Variants in CLSPN observed in about 807,000 individuals in gnomAD.
The protein encoded by CLSPN is claspin homolog.
A neutral mutation model predicts 156.3 loss-of-function variants in CLSPN; 85 were observed. The observed-to-expected ratio is 0.54, with a 90% CI of 0.46 to 0.65. CLSPN has a LOEUF of 0.65. CLSPN is among the 30% of genes least tolerant of loss of function. The pLI, the probability that CLSPN is intolerant of heterozygous loss-of-function variation, is 0.00. For synonymous variants in CLSPN, 534 were observed against 542.4 expected, an observed-to-expected ratio of 0.98 and a Z score of 0.22; for missense variants, 1,407 against 1,554.9, an observed-to-expected ratio of 0.90 and a Z score of 1.60.
At position 35,761,988 on chromosome 1, in the gene CLSPN, G is replaced by A; in HGVS notation, c.895+10C>T. 1 of 1,601,646 alleles carries A rather than the reference G, an allele frequency of 6.2e-7. No homozygotes were observed. Among genetic ancestry groups the A allele is most frequent in the Non-Finnish European group, 8.5e-7 (1 of 1,169,998 alleles). The stretch of plus-strand genomic sequence containing the variant: ...GTGATTTTGCCTCAAAGTTTACTGG[G>A]TTGCATTACCTCGAATAAGGCGCTG... On this transcript the variant is annotated intron_variant, in intron 6 of 24. Coordinates refer to ENST00000318121, the MANE Select transcript of CLSPN (RefSeq NM_022111.4).
chr1:35,746,661 G>A lies in CLSPN; in HGVS notation c.2854+105C>T. 1 of 740,758 alleles carries A rather than the reference G, an allele frequency of 1.3e-6. No homozygotes were observed. The highest frequency in any genetic ancestry group is 2.3e-6 in the Non-Finnish European group (1 of 432,392). The allele number at this position is 740,758 out of a possible 1,614,324, so 45.9% of individuals were successfully genotyped here. On this transcript the variant is annotated intron_variant, in intron 15 of 24. Coordinates refer to ENST00000318121, the MANE Select transcript of CLSPN (RefSeq NM_022111.4). This position sits in a 1 kb window ranked among gnomAD's most constrained non-coding sequence, Gnocchi z 4.2. ...GATCCATCCAACTTAGCCTCCCAAA[G>A]TTCTAGGATTACAGGCATGAGCCAC... is the stretch of plus-strand genomic sequence containing the variant.
chr1:35,752,471 G>C (rs915457531), intron 9 of CLSPN, among the ~76,000 whole-genome samples: 1 of 151,670 alleles, frequency 6.6e-6, no homozygotes, highest in African/African-American at 2.4e-5. Context: ...CCAGCTATTC[G>C]GGAGGCTGAG....
rs1304231723 is a variant in CLSPN at position 35,746,168 on chromosome 1, A to T, written c.2854+598T>A. Among the ~76,000 whole-genome samples, 1 of 152,036 alleles carries T rather than the reference A, an allele frequency of 6.6e-6. No individual in the cohort carries two copies. The highest frequency in any genetic ancestry group is 1.5e-5 in the Non-Finnish European group (1 of 68,008). On this transcript the variant is annotated intron_variant, in intron 15 of 24. Coordinates refer to ENST00000318121, the MANE Select transcript of CLSPN (RefSeq NM_022111.4). This position sits in a 1 kb window ranked among gnomAD's most constrained non-coding sequence, Gnocchi z 4.2. Reference sequence around the variant, plus strand: ...ACCGTGCTGCCCAGGCTGGTGGCGAACTCCTGAGCTCAGGAAATCCCCCGC... The same window carrying T: ...ACCGTGCTGCCCAGGCTGGTGGCGATCTCCTGAGCTCAGGAAATCCCCCGC...
intron 12 of CLSPN, 56 bp from the exon 13 acceptor site, chr1:35,748,660 T>A (rs1641978119): frequency 6.1e-6 from 9 of 1,472,280 alleles, no homozygotes; most frequent in Non-Finnish European, 8.5e-6. Context: ...GGTGGATTTG[T>A]TTAGGAAAAA....
chr1:35,729,359 G>A (rs1236924084), downstream of CLSPN, among the ~76,000 whole-genome samples: 1 of 152,158 alleles, frequency 6.6e-6, no homozygotes. Flanking sequence ...AAGGAACTCA[G>A]GTGTCCACCC....
Position 35,746,833 on chromosome 1 carries a change from C to T in CLSPN, c.2787G>A (p.Arg929=), listed in dbSNP as rs1375285976. Residue 929 remains arginine, a synonymous_variant, in exon 15 of 25, where the codon AGG becomes AGA. Coordinates refer to ENST00000318121, the MANE Select transcript of CLSPN (RefSeq NM_022111.4). This position sits in a 1 kb window ranked among gnomAD's most constrained non-coding sequence, Gnocchi z 4.2. ...CCATGTTCTCTTTCTTGTCACTCTTCCTGGGTAGATGTTTTTCAGCCTGAG... is the reference window on the plus strand; with the variant it reads ...CCATGTTCTCTTTCTTGTCACTCTTTCTGGGTAGATGTTTTTCAGCCTGAG... ...FTSQAEKHLP[R]KSDKKENMEE... is the part of the protein sequence containing the mutation. 2.5e-6 allele frequency: 4 copies of T among 1,614,108 alleles called. No homozygotes were observed. The highest frequency in any genetic ancestry group is 3.4e-6 in the Non-Finnish European group (4 of 1,179,988).
chr1:35,752,100 G>A (rs976242980), intron 9 of CLSPN, among the ~76,000 whole-genome samples: 7 of 152,050 alleles, frequency 4.6e-5, no homozygotes, highest in African/African-American at 1.7e-4. Flanking sequence ...ATATCAAAAT[G>A]TGATATATAT....
Position 35,760,852 on chromosome 1 carries a change from T to A in CLSPN, c.1069A>T (p.Asn357Tyr). 1 of 1,614,082 alleles carries A rather than the reference T, an allele frequency of 6.2e-7. No homozygotes were observed. The highest frequency in any genetic ancestry group is 1.7e-5 in the Admixed American group (1 of 60,032). Residue 357 changes from asparagine (N) to tyrosine (Y), a missense_variant, in exon 8 of 25, where the codon AAC (asparagine) becomes TAC (tyrosine). This residue lies in a region of CLSPN where 1,096 missense variants were observed against 1,193.0 expected (regional missense o/e 0.92). Transcript: ENST00000318121. ...IIDTANTTEMNSDHHSKGSEQ... is the reference protein window; with the variant it reads ...IIDTANTTEMYSDHHSKGSEQ... ...GAACCTTTACTATGGTGATCACTGT[T>A]CATTTCAGTAGTATTTGCAGTGTCT... is the stretch of plus-strand genomic sequence containing the variant.
At chr1:35,768,205 T>C (rs945610178) in intron 1 of CLSPN, among the ~76,000 whole-genome samples, 3 of 152,006 alleles carry the variant, frequency 2.0e-5, no homozygotes, top group Admixed American at 2.0e-4. Flanking sequence ...CCGTATCTAC[T>C]AAAAATACAA....
Position 35,757,993 on chromosome 1 carries a change from TTG to T in CLSPN, c.1579+2347_1579+2348del, listed in dbSNP as rs766857240. On this transcript the variant is annotated intron_variant, in intron 8 of 24. Coordinates refer to ENST00000318121, the MANE Select transcript of CLSPN (RefSeq NM_022111.4). ...GCTGTTTAATGAAACAGAATCTTTT[TTG>T]TGTGTGTTTTGTTTTTCTTTTTGTT... 1.5e-4 allele frequency among the ~76,000 whole-genome samples: 23 copies of T among 152,170 alleles called. 1 individual carries two copies. In the East Asian group the frequency reaches 1.9e-3, roughly 13 times the overall value.
At chr1:35,769,467 C>G (rs1365737115) in intron 1 of CLSPN, among the ~76,000 whole-genome samples, 1 of 152,234 alleles carries the variant, frequency 6.6e-6, no homozygotes, top group Non-Finnish European at 1.5e-5. Context: ...CGCACCGCTG[C>G]GGCCGGGTTC....
chr1:35,761,065 G>T, intron 7 of CLSPN, 31 bp downstream of exon 7: 1 of 1,527,658 alleles, frequency 6.5e-7, no homozygotes, highest in East Asian at 2.2e-5. Flanking sequence ...AAATGTTCAT[G>T]AAAATTATAA....
downstream of CLSPN, among the ~76,000 whole-genome samples, chr1:35,730,691 C>A (rs1204270593): frequency 6.7e-6 from 1 of 149,982 alleles, no homozygotes; most frequent in African/African-American, 2.5e-5. Flanking sequence ...ACACCTTCCC[C>A]GTCTCTATCA....
Position 35,751,499 on chromosome 1 carries a change from C to A in CLSPN, c.1779G>T (p.Lys593Asn), listed in dbSNP as rs200652216. 5.0e-6 allele frequency: 8 copies of A among 1,612,722 alleles called. No homozygotes were observed. The East Asian group carries it at 6.7e-5, about 13-fold the overall frequency. ...GCAGTTTAGCTTTTAACACCTGAAG[C>A]TTTTCACCTGAACAGAAATATGTAG... ...DGASHTKPGEKLQVLKAKLQE... is the reference protein window; with the variant it reads ...DGASHTKPGENLQVLKAKLQE... The change falls in exon 10 of 25, where the codon AAG becomes AAT. Residue 593 changes from lysine to asparagine, a missense_variant. Coordinates refer to ENST00000318121, the MANE Select transcript of CLSPN (RefSeq NM_022111.4).
At position 35,733,319 on chromosome 1, in the gene CLSPN, T is replaced by TG; in HGVS notation, c.*3176_*3177insC. ...TCAGGCACTAATTTTCTTTTTTTTTTCTTTTTTTTTTTTTTTTTAGAGTTG... is the reference window on the plus strand; with the variant it reads ...TCAGGCACTAATTTTCTTTTTTTTTTGCTTTTTTTTTTTTTTTTTAGAGTTG... On this transcript the variant is annotated 3_prime_UTR_variant, in exon 25 of 25. Coordinates refer to ENST00000318121, the MANE Select transcript of CLSPN (RefSeq NM_022111.4). 1 of 196,828 alleles carries TG rather than the reference T, an allele frequency of 5.1e-6. No individual in the cohort carries two copies. The highest frequency in any genetic ancestry group is 8.0e-6 in the Non-Finnish European group (1 of 125,476). The allele number at this position is 196,828 out of a possible 1,614,324, so 12.2% of individuals were successfully genotyped here. A position where few individuals can be genotyped will look rare whatever the true frequency, so the allele number is the denominator to read the frequency against.
intron 14 of CLSPN, among the ~76,000 whole-genome samples, chr1:35,747,420 A>G (rs1490553266): frequency 6.6e-6 from 1 of 152,250 alleles, no homozygotes; most frequent in African/African-American, 2.4e-5. Flanking sequence ...CTGAATCTCA[A>G]ACCAGAAAGC....
chr1:35,751,473 T>A lies in CLSPN; in HGVS notation c.1805A>T (p.Gln602Leu). 1.2e-6 allele frequency: 2 copies of A among 1,614,092 alleles called. No individual in the cohort carries two copies. The highest frequency in any genetic ancestry group is 2.2e-5 in the South Asian group (2 of 91,056). Residue 602 changes from glutamine to leucine, a missense_variant, in exon 10 of 25, where the codon CAA becomes CTA. Gln to Leu is a moderately radical substitution (Grantham distance 113, BLOSUM62 -2). Coordinates refer to ENST00000318121, the MANE Select transcript of CLSPN (RefSeq NM_022111.4). ...EKLQVLKAKL[Q>L]EAMKLRRFEE... ...AAACCTTCGGAGTTTCATTGCTTCT[T>A]GCAGTTTAGCTTTTAACACCTGAAG... is the stretch of plus-strand genomic sequence containing the variant.
In CLSPN at chr1:35,743,207, A is replaced by C. The variant is rs750944853; in HGVS notation, c.3077T>G (p.Leu1026Arg). Residue 1026 changes from leucine (L) to arginine (R), a missense_variant, in exon 18 of 25, where the codon CTG becomes CGG. Physicochemically the swap from Leu to Arg is moderately radical, Grantham distance 102. Transcript: ENST00000318121. ...EHSDSGNDLA[L>R]EDHEDDDEEE... The stretch of plus-strand genomic sequence containing the variant: ...TTCATCATCATCTTCATGGTCTTCC[A>C]GTGCCAGATCATTACCAGAGTCACT... 2 of 1,614,188 alleles carry C rather than the reference A, an allele frequency of 1.2e-6. No homozygotes were observed. Among genetic ancestry groups the C allele is most frequent in the Non-Finnish European group, 1.7e-6 (2 of 1,180,004 alleles).
chr1:35,762,347 T>C, intron 5 of CLSPN, 57 bp downstream of exon 5: 7 of 1,360,350 alleles, frequency 5.1e-6, no homozygotes, highest in Non-Finnish European at 7.2e-6. Context: ...CCCTAAGAAA[T>C]CTATAATCTC....
Sources: allele counts gnomAD v4.1 joint callset (sites outside exome capture counted in the v4.1 genomes callset), GRCh38; gene constraint gnomAD v4.1.1; regional missense constraint gnomAD v4.1.1; non-coding constraint Gnocchi (gnomAD v3.1); transcripts MANE v1.5; gene names NCBI Gene and HGNC (gene_info 2026-07-23, HGNC 2026-07-21).